GTF2E2: variants seen among roughly 807,000 people sequenced by gnomAD.
GTF2E2 encodes the protein general transcription factor IIE subunit 2, also known as transcription initiation factor IIE subunit beta.
A neutral mutation model predicts 40.5 loss-of-function variants in GTF2E2; 21 were observed. That is an observed-to-expected ratio of 0.52 (90% CI 0.37 to 0.75). The LOEUF (loss-of-function observed/expected upper bound fraction) is 0.75, where lower values mean the gene tolerates loss of function less well. GTF2E2 is among the 30% of genes least tolerant of loss of function. The pLI is 0.00. For missense variants in GTF2E2, 298 were observed against 338.4 expected (o/e 0.88, Z 0.94); for synonymous variants, 117 against 121.6 (o/e 0.96, Z 0.25).
chr8:30,579,149 C>A (rs1409816258), intron 7 of GTF2E2, 112 bp from the exon 8 acceptor site: 17 of 702,590 alleles, frequency 2.4e-5, no homozygotes, highest in Non-Finnish European at 4.4e-5. Context: ...AGGTTCGGAC[C>A]CTTCTCCTGC....
At chr8:30,632,259 T>C (rs1801459630) in intron 3 of GTF2E2, among the ~76,000 whole-genome samples, 1 of 152,252 alleles carries the variant, frequency 6.6e-6, no homozygotes, top group Admixed American at 6.5e-5. Flanking sequence ...GTAATTCTTT[T>C]TCAGTCATAT....
At chr8:30,603,969 T>G (rs28677009) in intron 6 of GTF2E2, among the ~76,000 whole-genome samples, 4,995 of 150,478 alleles carry the variant, frequency 0.033, 299 homozygotes, top group African/African-American at 0.12. Context: ...CACAGAATTA[T>G]CAAAATTGAC....
chr8:30,655,097 A>G (rs1185419087), intron 1 of GTF2E2, among the ~76,000 whole-genome samples: 1 of 151,928 alleles, frequency 6.6e-6, no homozygotes, highest in Non-Finnish European at 1.5e-5. Flanking sequence ...GCTACTCAGA[A>G]CGCTGAGACA....
intron 3 of GTF2E2, 70 bp downstream of exon 3, chr8:30,634,962 T>C: frequency 1.2e-6 from 1 of 804,242 alleles, no homozygotes; most frequent in South Asian, 1.6e-5. Context: ...ATTTAACTTC[T>C]GAAAACCCTA....
At chr8:30,643,052 C>T (rs1801907601) in intron 2 of GTF2E2, among the ~76,000 whole-genome samples, 1 of 152,020 alleles carries the variant, frequency 6.6e-6, no homozygotes, top group African/African-American at 2.4e-5. Flanking sequence ...GCAAGTCCAT[C>T]CAGAGAGGTG....
In GTF2E2 at chr8:30,629,429, G is replaced by A. The variant is rs958699961; in HGVS notation, c.258+5603C>T. Among the ~76,000 whole-genome samples, 5 of 152,238 alleles carry A rather than the reference G, an allele frequency of 3.3e-5. No individual in the cohort carries two copies. The South Asian group carries it at 8.3e-4, about 25-fold the overall frequency. ...TAAAAACAGACTGTTGCTCACGCCT[G>A]TAATCCCAGCACTTTGGGAGGCTGA... On this transcript the variant is annotated intron_variant, in intron 3 of 7. Transcript: ENST00000355904.
intron 7 of GTF2E2, 23 bp from the exon 8 acceptor site, chr8:30,579,060 T>A (rs750946947): frequency 8.1e-7 from 1 of 1,230,326 alleles, no homozygotes; most frequent in South Asian, 1.2e-5. Flanking sequence ...GTAAAAACAA[T>A]TAGAAACAAC....
intron 6 of GTF2E2, among the ~76,000 whole-genome samples, chr8:30,591,037 A>C (rs1828833561): frequency 6.6e-6 from 1 of 152,226 alleles, no homozygotes; most frequent in South Asian, 2.1e-4. Context: ...CAAGAAAGTG[A>C]AAAGACAACC....
chr8:30,627,838 T>C (rs1400768556), intron 3 of GTF2E2, among the ~76,000 whole-genome samples: 2 of 152,214 alleles, frequency 1.3e-5, no homozygotes, highest in East Asian at 1.9e-4. Context: ...TTCAAGAAAA[T>C]AGTAGGCCAT....
chr8:30,645,252 C>A, intron 2 of GTF2E2: 3 of 1,465,724 alleles, frequency 2.0e-6, no homozygotes, highest in Non-Finnish European at 2.7e-6. Context: ...TAGTTTGCTA[C>A]ATAAATTCAT....
rs187536494 is a variant in GTF2E2, at chr8:30,590,943, G to A, written c.644-10547C>T. On this transcript the variant is annotated intron_variant, in intron 6 of 7. Coordinates refer to ENST00000355904, the MANE Select transcript of GTF2E2 (RefSeq NM_002095.6). ...TAACCTCGGATGATCCACCTGCCTC[G>A]GCCTCTCAAAGTGCTGGGATTACAG... Among the ~76,000 whole-genome samples, 254 of 152,100 alleles carry A rather than the reference G, an allele frequency of 1.7e-3. 8 individuals carry two copies. The highest frequency in any genetic ancestry group is 0.014 in the Admixed American group (210 of 15,274).
chr8:30,615,450 T>C (rs914249320), intron 3 of GTF2E2, among the ~76,000 whole-genome samples: 4 of 152,196 alleles, frequency 2.6e-5, no homozygotes, highest in Non-Finnish European at 5.9e-5. Flanking sequence ...ATGGTCACTG[T>C]AGCATTGTTC....
rs938231362 is a variant in GTF2E2 at position 30,616,848 on chromosome 8, T to C, written c.259-2133A>G. On this transcript the variant is annotated intron_variant, in intron 3 of 7. Coordinates refer to ENST00000355904, the MANE Select transcript of GTF2E2 (RefSeq NM_002095.6). ...TTTTAAAGTAAATAAGAAAAAAGTATGTATGTTAAAAAACATATGCACTAT... is the reference window on the plus strand; with the variant it reads ...TTTTAAAGTAAATAAGAAAAAAGTACGTATGTTAAAAAACATATGCACTAT... Among the ~76,000 whole-genome samples the C allele has an allele frequency of 2.6e-5, 4 of 152,094 alleles. No individual in the cohort carries two copies. In the East Asian group the frequency reaches 7.7e-4, roughly 29 times the overall value.
intron 6 of GTF2E2, among the ~76,000 whole-genome samples, chr8:30,599,281 AT>A (rs1829101450): frequency 6.6e-6 from 1 of 152,144 alleles, no homozygotes; most frequent in Non-Finnish European, 1.5e-5. Flanking sequence ...AACCAAAAAA[AT>A]AAATAAATAA....
At chr8:30,614,512 C>T in intron 4 of GTF2E2, 96 bp downstream of exon 4, 1 of 668,572 alleles carries the variant, frequency 1.5e-6, no homozygotes, top group Non-Finnish European at 2.6e-6. Flanking sequence ...CATGCCACTG[C>T]ACTCTAGCCT....
At chr8:30,650,626 TTC>T (rs1432559758) in intron 2 of GTF2E2, among the ~76,000 whole-genome samples, 2 of 151,748 alleles carry the variant, frequency 1.3e-5, no homozygotes, top group East Asian at 3.9e-4. Flanking sequence ...GCTGGGGAGT[TTC>T]GAGGCTGCAG....
At chr8:30,631,305 C>A (rs1284324253) in intron 3 of GTF2E2, among the ~76,000 whole-genome samples, 1 of 152,188 alleles carries the variant, frequency 6.6e-6, no homozygotes, top group Non-Finnish European at 1.5e-5. Context: ...GTGTGAGCCA[C>A]TGTGCTGGGC....
At chr8:30,587,716 T>C (rs1225300062) in intron 6 of GTF2E2, among the ~76,000 whole-genome samples, 3 of 151,486 alleles carry the variant, frequency 2.0e-5, no homozygotes, top group Non-Finnish European at 4.4e-5. Flanking sequence ...CTACTAAAAA[T>C]ACAAACTCAG....
intron 2 of GTF2E2, among the ~76,000 whole-genome samples, chr8:30,648,778 T>A (rs1199473568): frequency 6.6e-6 from 1 of 152,206 alleles, no homozygotes; most frequent in East Asian, 1.9e-4. Context: ...CTTCTACCAA[T>A]CCATGATAAA....
Sources: gnomAD v4.1 joint callset for allele counts (sites outside exome capture counted in the v4.1 genomes callset) on GRCh38, gnomAD v4.1.1 for gene constraint, MANE v1.5 for transcripts, NCBI Gene and HGNC (gene_info 2026-07-23, HGNC 2026-07-21) for gene names.